Variants in KAZN observed in about 807,000 individuals in gnomAD.
The protein encoded by KAZN is kazrin, periplakin interacting protein, also known as kazrin.
Under a neutral mutation model 87.4 loss-of-function variants are expected in KAZN, and 40 were observed. The ratio of observed to expected loss-of-function variants is 0.46; its 90% CI spans 0.36 to 0.60. KAZN has a LOEUF of 0.60. Among genes scored for constraint, KAZN ranks in the 20% least tolerant of loss-of-function variants. The pLI is 0.00. For synonymous variants in KAZN, 466 were observed against 458.3 expected, an observed-to-expected ratio of 1.02 and a Z score of -0.22; for missense variants, 898 against 1,073.9, an observed-to-expected ratio of 0.84 and a Z score of 2.29.
chr1:14,685,232 C>T (rs151082661), intron 1 of KAZN, among the ~76,000 whole-genome samples: 19 of 152,312 alleles, frequency 1.2e-4, no homozygotes, highest in Middle Eastern at 3.4e-3. Context: ...TTAATCCTGC[C>T]GGAGAAACTC....
intron 1 of KAZN, among the ~76,000 whole-genome samples, chr1:14,690,242 C>A (rs953255549): frequency 6.6e-6 from 1 of 152,136 alleles, no homozygotes; most frequent in African/African-American, 2.4e-5. Flanking sequence ...ATTTCTCAAG[C>A]GCTGGTAATA....
At chr1:14,424,547 G>A (rs137965893) in intron 2 of KAZN, among the ~76,000 whole-genome samples, 6 of 152,154 alleles carry the variant, frequency 3.9e-5, no homozygotes, top group Admixed American at 2.6e-4. Context: ...TCCACTGCAC[G>A]GCCATTCACA....
Position 14,897,720 on chromosome 1 carries a change from C to T in KAZN, c.227-62964C>T, listed in dbSNP as rs1236121726. Among the ~76,000 whole-genome samples, 3 of 152,204 alleles carry T rather than the reference C, an allele frequency of 2.0e-5. No homozygotes were observed. The East Asian group carries it at 5.8e-4, about 29-fold the overall frequency. On this transcript the variant is annotated intron_variant, in intron 1 of 14. Coordinates refer to ENST00000376030, the MANE Select transcript of KAZN (RefSeq NM_201628.3). ...GAAAATGGCAGGATTCTCAGACCTGCTTCTGCAATCTGGCCGTTGTGATAT... is the reference window on the plus strand; with the variant it reads ...GAAAATGGCAGGATTCTCAGACCTGTTTCTGCAATCTGGCCGTTGTGATAT...
intron 1 of KAZN, among the ~76,000 whole-genome samples, chr1:14,001,705 C>G (rs1293375528): frequency 1.3e-5 from 2 of 152,176 alleles, no homozygotes; most frequent in African/African-American, 2.4e-5. Context: ...CACCATACAT[C>G]TACAACCATC....
At chr1:14,982,419 T>A (rs1382662617) in intron 2 of KAZN, among the ~76,000 whole-genome samples, 1 of 71,376 alleles carries the variant, frequency 1.4e-5, no homozygotes, top group Non-Finnish European at 2.7e-5. Flanking sequence ...CACCTGAGAT[T>A]TTTTTTTTTT....
At chr1:15,004,346 A>T (rs1237342380) in intron 2 of KAZN, among the ~76,000 whole-genome samples, 1 of 152,196 alleles carries the variant, frequency 6.6e-6, no homozygotes, top group African/African-American at 2.4e-5. Context: ...CGCTGTGCAG[A>T]AGAGGCTGGT....
chr1:14,282,624 C>T (rs542031109), intron 2 of KAZN, among the ~76,000 whole-genome samples: 9 of 152,244 alleles, frequency 5.9e-5, no homozygotes, highest in Non-Finnish European at 8.8e-5. Context: ...GCTTGGAGAC[C>T]GACCCTCTTA....
intron 2 of KAZN, among the ~76,000 whole-genome samples, chr1:14,192,496 C>T (rs1339367): frequency 0.13 from 20,510 of 152,098 alleles, 1,695 homozygotes; most frequent in African/African-American, 0.23. Flanking sequence ...CATTTAAAAC[C>T]ATAACTTACT....
chr1:13,995,249 GA>G (rs1639460654), intron 1 of KAZN, among the ~76,000 whole-genome samples: 1 of 134,296 alleles, frequency 7.4e-6, no homozygotes, highest in African/African-American at 2.6e-5. Flanking sequence ...TAATGATTGG[GA>G]AAAAAGATGG....
chr1:14,828,904 G>A (rs183821740), intron 1 of KAZN, among the ~76,000 whole-genome samples: 25 of 152,296 alleles, frequency 1.6e-4, no homozygotes, highest in Non-Finnish European at 2.6e-4. Flanking sequence ...AAGAGATAGC[G>A]AGAGCAACAT....
intron 1 of KAZN, among the ~76,000 whole-genome samples, chr1:14,860,243 G>A (rs905547657): frequency 6.6e-6 from 1 of 151,686 alleles, no homozygotes; most frequent in Non-Finnish European, 1.5e-5. Context: ...CCAGGCTAGA[G>A]TGCAGTGGCG....
At chr1:15,069,292 G>C (rs1639401934) in intron 8 of KAZN, among the ~76,000 whole-genome samples, 1 of 152,126 alleles carries the variant, frequency 6.6e-6, no homozygotes, top group Admixed American at 6.6e-5. Flanking sequence ...CAGTCAATCA[G>C]AGTTGGCATA....
chr1:14,883,342 G>GAGAGAGAGAGAGAGAGAGAGAGAAAGA (rs1377953212), intron 1 of KAZN, among the ~76,000 whole-genome samples: 1 of 33,460 alleles, frequency 3.0e-5, no homozygotes, highest in Admixed American at 4.0e-4. Context: ...GAGAGAGAGA[G>GAGAGAGAGAGAGAGAGAGAGAGAAAGA]AAAGAAAGAA....
intron 8 of KAZN, among the ~76,000 whole-genome samples, chr1:15,078,443 A>G (rs774607848): frequency 4.1e-4 from 62 of 152,260 alleles, no homozygotes; most frequent in Middle Eastern, 6.8e-3. Context: ...CGAGGCCAAG[A>G]ATTGGGGTCC....
chr1:15,093,572 C>T (rs139610737), intron 8 of KAZN, among the ~76,000 whole-genome samples: 302 of 152,128 alleles, frequency 2.0e-3, no homozygotes, highest in Non-Finnish European at 3.2e-3. Context: ...CATAAGGTAA[C>T]ATAGACAGAT....
intron 2 of KAZN, among the ~76,000 whole-genome samples, chr1:14,497,874 G>A (rs1407492216): frequency 6.6e-6 from 1 of 152,128 alleles, no homozygotes; most frequent in African/African-American, 2.4e-5. Flanking sequence ...AAAAGGCAGA[G>A]TGACAAAAAC....
chr1:15,101,110 GTTCCC>G (rs1465197098), intron 10 of KAZN, among the ~76,000 whole-genome samples: 1 of 149,124 alleles, frequency 6.7e-6, no homozygotes, highest in African/African-American at 2.5e-5. Flanking sequence ...CTCTCTTCCT[GTTCCC>G]TTCCGTTTGT....
intron 2 of KAZN, among the ~76,000 whole-genome samples, chr1:14,383,841 A>G (rs530446009): frequency 6.6e-6 from 1 of 152,184 alleles, no homozygotes; most frequent in South Asian, 2.1e-4. Flanking sequence ...AGTTTTTCCA[A>G]TTCTGTGAAG....
chr1:14,128,198 G>A (rs754942076), intron 1 of KAZN, among the ~76,000 whole-genome samples: 123 of 152,232 alleles, frequency 8.1e-4, no homozygotes, highest in Non-Finnish European at 1.5e-3. Flanking sequence ...AGGGGATAAG[G>A]TGGTACTGCA....
Sources: gnomAD v4.1 joint callset for allele counts (sites outside exome capture counted in the v4.1 genomes callset) on GRCh38, gnomAD v4.1.1 for gene constraint, MANE v1.5 for transcripts, NCBI Gene and HGNC (gene_info 2026-07-23, HGNC 2026-07-21) for gene names.